Variants in IQGAP2 observed in about 807,000 individuals in gnomAD.
The protein encoded by IQGAP2 is IQ motif containing GTPase activating protein 2.
In IQGAP2, 173 loss-of-function variants were observed where a neutral mutation model predicts 201.3. The observed-to-expected ratio is 0.86, with a 90% confidence interval of 0.76 to 0.98. IQGAP2 has a LOEUF of 0.98. Ranked by LOEUF, IQGAP2 falls within the 50% of genes least tolerant of loss-of-function variation. The pLI, the probability that IQGAP2 is intolerant of heterozygous loss-of-function variation, is 0.00. For missense variants in IQGAP2, 1,687 were observed against 1,864.8 expected (o/e 0.90, Z 1.76); for synonymous variants, 675 against 673.9 (o/e 1.00, Z -0.03).
intron 1 of IQGAP2, among the ~76,000 whole-genome samples, chr5:76,457,143 C>A (rs376223320): frequency 6.6e-6 from 1 of 152,064 alleles, no homozygotes; most frequent in Non-Finnish European, 1.5e-5. Flanking sequence ...TGCACCACCA[C>A]ACTCAGCCAA....
At chr5:76,675,457 C>T (rs1744726096) in intron 27 of IQGAP2, among the ~76,000 whole-genome samples, 1 of 152,222 alleles carries the variant, frequency 6.6e-6, no homozygotes, top group Admixed American at 6.5e-5. Flanking sequence ...CTGTTCTATT[C>T]TCAAGCCTTT....
At chr5:76,551,890 GA>G (rs1329539313) in intron 2 of IQGAP2, among the ~76,000 whole-genome samples, 4 of 142,958 alleles carry the variant, frequency 2.8e-5, no homozygotes, top group African/African-American at 1.0e-4. Flanking sequence ...AGGGGGAGGG[GA>G]GGGGGAGGGG....
chr5:76,446,067 A>G (rs1433625201), intron 1 of IQGAP2, among the ~76,000 whole-genome samples: 3 of 151,988 alleles, frequency 2.0e-5, no homozygotes, highest in Non-Finnish European at 4.4e-5. Context: ...TATATACCAC[A>G]TTTTGCTTAT....
intron 2 of IQGAP2, among the ~76,000 whole-genome samples, chr5:76,550,208 A>T (rs1743354826): frequency 6.6e-6 from 1 of 152,224 alleles, no homozygotes; most frequent in South Asian, 2.1e-4. Flanking sequence ...CAAAAGGGAA[A>T]ACTTGGAAGG....
intron 13 of IQGAP2, among the ~76,000 whole-genome samples, chr5:76,611,520 G>A (rs1223564939): frequency 1.3e-5 from 2 of 152,022 alleles, no homozygotes; most frequent in South Asian, 2.1e-4. Context: ...GGATACAGAG[G>A]GACACATAAT....
intron 1 of IQGAP2, among the ~76,000 whole-genome samples, chr5:76,427,842 G>C (rs957426090): frequency 6.6e-6 from 1 of 152,242 alleles, no homozygotes; most frequent in Non-Finnish European, 1.5e-5. Flanking sequence ...AAGGCTCTGA[G>C]CGGGGGCAGC....
intron 35 of IQGAP2, among the ~76,000 whole-genome samples, chr5:76,703,195 G>A (rs575964673): frequency 1.4e-4 from 22 of 152,012 alleles, no homozygotes; most frequent in South Asian, 8.3e-4. Context: ...TTGCTCTGTC[G>A]CCCAGGCTGG....
At chr5:76,477,915 A>G (rs1051802014) in intron 2 of IQGAP2, among the ~76,000 whole-genome samples, 4 of 152,188 alleles carry the variant, frequency 2.6e-5, no homozygotes, top group Non-Finnish European at 4.4e-5. Flanking sequence ...AAAAAAGCTT[A>G]TAGAATAAGG....
Position 76,623,936 on chromosome 5 carries a change from C to CTTTTTTTTTTTTTTTTTTTTTTTTTTTT in IQGAP2, c.1522-3458_1522-3457insTTTTTTTTTTTTTTTTTTTTTTTTTTTT, listed in dbSNP as rs368076875. Reference sequence around the variant, plus strand: ...CGGGTGAGGATGGCGTTTGTTCAGGCTTTTTTTTTTTTTTTTGCCTTATCT... The same window carrying CTTTTTTTTTTTTTTTTTTTTTTTTTTTT: ...CGGGTGAGGATGGCGTTTGTTCAGGCTTTTTTTTTTTTTTTTTTTTTTTTTTTTTTTTTTTTTTTTTTTTGCCTTATCT... On this transcript the variant is annotated intron_variant, in intron 13 of 35. Coordinates refer to ENST00000274364, the MANE Select transcript of IQGAP2 (RefSeq NM_006633.5). 7.9e-5 allele frequency among the ~76,000 whole-genome samples: 8 copies of CTTTTTTTTTTTTTTTTTTTTTTTTTTTT among 100,780 alleles called. 3 individuals carry two copies. The highest frequency in any genetic ancestry group is 2.2e-4 in the Admixed American group (2 of 9,148). The allele number at this position is 100,780 out of a possible 152,430, so 66.1% of individuals were successfully genotyped here.
chr5:76,657,308 C>G (rs1742836544), intron 20 of IQGAP2, among the ~76,000 whole-genome samples: 1 of 152,094 alleles, frequency 6.6e-6, no homozygotes, highest in South Asian at 2.1e-4. Flanking sequence ...ATTGCTAAGG[C>G]CTTCCCTGAA....
chr5:76,546,496 T>A (rs1451868706), intron 2 of IQGAP2, among the ~76,000 whole-genome samples: 1 of 152,104 alleles, frequency 6.6e-6, no homozygotes, highest in Non-Finnish European at 1.5e-5. Context: ...GCTGTTGCCA[T>A]AGGAATTGAT....
At chr5:76,552,352 TCTC>T (rs1743618546) in intron 2 of IQGAP2, among the ~76,000 whole-genome samples, 1 of 152,198 alleles carries the variant, frequency 6.6e-6, no homozygotes, top group South Asian at 2.1e-4. Context: ...GTTGGTGCCC[TCTC>T]CAGAACACAT....
chr5:76,682,021 C>T (rs935856671), intron 28 of IQGAP2, among the ~76,000 whole-genome samples: 1 of 152,168 alleles, frequency 6.6e-6, no homozygotes, highest in Non-Finnish European at 1.5e-5. Flanking sequence ...TAGTCAAATA[C>T]ATACAGGTAT....
chr5:76,496,151 C>T (rs1019978128), intron 2 of IQGAP2, among the ~76,000 whole-genome samples: 5 of 152,156 alleles, frequency 3.3e-5, no homozygotes, highest in Middle Eastern at 3.2e-3. Context: ...GGAATGACTA[C>T]GGTAATGATA....
chr5:76,700,965 C>T, intron 33 of IQGAP2, 111 bp from the exon 34 acceptor site: 5 of 1,111,104 alleles, frequency 4.5e-6, no homozygotes, highest in Non-Finnish European at 6.5e-6. Flanking sequence ...ATATTCAGCG[C>T]TCTGAGGGCC....
chr5:76,462,600 G>A (rs2150127095), intron 2 of IQGAP2, among the ~76,000 whole-genome samples: 1 of 152,202 alleles, frequency 6.6e-6, no homozygotes, highest in East Asian at 1.9e-4. Flanking sequence ...ATTGTTCCCT[G>A]GACAAAGATA....
chr5:76,570,531 T>G (rs1745038847), intron 3 of IQGAP2, 49 bp from the exon 4 acceptor site: 2 of 1,323,298 alleles, frequency 1.5e-6, no homozygotes, highest in Non-Finnish European at 2.2e-6. Context: ...AATGACTCAC[T>G]TTTTGTGTGG....
rs146123005 is a variant in IQGAP2 at position 76,681,253 on chromosome 5, C to T, written c.3661-1862C>T. ...CCAATTTAAATATTGGACAATTACA[C>T]ATCAAAGGACATAATCAACTGAGTG... is the stretch of plus-strand genomic sequence containing the variant. On this transcript the variant is annotated intron_variant, in intron 28 of 35. Transcript: ENST00000274364. Among the ~76,000 whole-genome samples the T allele has an allele frequency of 4.1e-3, 623 of 151,904 alleles. 8 individuals are homozygous for T. Among genetic ancestry groups the T allele is most frequent in the African/African-American group, 0.014 (591 of 41,420 alleles).
intron 11 of IQGAP2, among the ~76,000 whole-genome samples, chr5:76,605,710 G>A (rs1747757956): frequency 6.6e-6 from 1 of 152,196 alleles, no homozygotes; most frequent in Admixed American, 6.5e-5. Flanking sequence ...TAGGGTTGTA[G>A]TAGAAAAGGT....
Sources: allele counts gnomAD v4.1 joint callset (sites outside exome capture counted in the v4.1 genomes callset), GRCh38; gene constraint gnomAD v4.1.1; transcripts MANE v1.5; gene names NCBI Gene and HGNC (gene_info 2026-07-23, HGNC 2026-07-21).